MAP4K5: variants seen among roughly 807,000 people sequenced by gnomAD.
MAP4K5 encodes MAPK/ERK kinase kinase kinase 5.
In MAP4K5, 82 loss-of-function variants were observed where a neutral mutation model predicts 135.6. The observed-to-expected ratio is 0.60, with a 90% CI of 0.51 to 0.73. MAP4K5 has a LOEUF of 0.73. Ranked by LOEUF, MAP4K5 falls within the 30% of genes least tolerant of loss-of-function variation. The pLI is 0.00. For missense variants in MAP4K5, 907 were observed against 1,010.9 expected, an observed-to-expected ratio of 0.90 and a Z score of 1.39; for synonymous variants, 347 against 335.0, an observed-to-expected ratio of 1.04 and a Z score of -0.39.
chr14:50,555,306 G>A (rs1005696880), intron 1 of MAP4K5, among the ~76,000 whole-genome samples: 1 of 152,132 alleles, frequency 6.6e-6, no homozygotes, highest in Non-Finnish European at 1.5e-5. Flanking sequence ...TTTTGAGACG[G>A]AGTCTCGCTC....
intron 20 of MAP4K5, 150 bp downstream of exon 20, chr14:50,443,579 G>C (rs2139712216): frequency 1.5e-6 from 1 of 650,666 alleles, no homozygotes; most frequent in Non-Finnish European, 2.5e-6. Flanking sequence ...ACTCAAATTA[G>C]AATACATGAT....
intron 2 of MAP4K5, among the ~76,000 whole-genome samples, chr14:50,541,850 A>G (rs2038564941): frequency 6.6e-6 from 1 of 151,702 alleles, no homozygotes; most frequent in Admixed American, 6.6e-5. Context: ...CTCTAAAAAT[A>G]CAAAAAATTA....
chr14:50,518,663 A>G (rs2038084559), intron 2 of MAP4K5, among the ~76,000 whole-genome samples: 1 of 152,080 alleles, frequency 6.6e-6, no homozygotes, highest in South Asian at 2.1e-4. Context: ...AATGACCCAA[A>G]ATCTGTTCAC....
At chr14:50,489,301 T>A (rs1343256320) in intron 3 of MAP4K5, among the ~76,000 whole-genome samples, 1 of 152,148 alleles carries the variant, frequency 6.6e-6, no homozygotes, top group African/African-American at 2.4e-5. Flanking sequence ...TGAGCTATAA[T>A]CACGCCACTG....
chr14:50,456,365 G>A (rs947970819), intron 14 of MAP4K5, 151 bp downstream of exon 14: 3 of 616,652 alleles, frequency 4.9e-6, no homozygotes, highest in African/African-American at 3.8e-5. Flanking sequence ...GAATTCCATC[G>A]AAACCAGAAA....
chr14:50,490,494 T>C (rs2139954585), intron 3 of MAP4K5, among the ~76,000 whole-genome samples: 1 of 152,288 alleles, frequency 6.6e-6, no homozygotes, highest in South Asian at 2.1e-4. Flanking sequence ...ACTAGAGCAA[T>C]GATCACAGCC....
At chr14:50,542,988 G>A (rs2038585544) in intron 1 of MAP4K5, among the ~76,000 whole-genome samples, 1 of 152,218 alleles carries the variant, frequency 6.6e-6, no homozygotes, top group Non-Finnish European at 1.5e-5. Context: ...GTCAGTGGGA[G>A]AAGTATTATG....
intron 3 of MAP4K5, among the ~76,000 whole-genome samples, chr14:50,491,597 T>G (rs1343979566): frequency 6.6e-6 from 1 of 152,084 alleles, no homozygotes; most frequent in Non-Finnish European, 1.5e-5. Flanking sequence ...GCACGCAGCT[T>G]ATTATCTCTT....
rs996408454 is a variant in MAP4K5, at chr14:50,504,723, T to C, written c.166+77A>G. On this transcript the variant is annotated intron_variant, in intron 3 of 32. Coordinates refer to ENST00000682126, the MANE Select transcript of MAP4K5 (RefSeq NM_006575.6). Reference sequence around the variant, plus strand: ...CTGACCTGATAGAACATATAAAGACTTCTTCTGGGAAGAAGGGAAACAAGG... The same window carrying C: ...CTGACCTGATAGAACATATAAAGACCTCTTCTGGGAAGAAGGGAAACAAGG... 5 of 1,070,842 alleles carry C rather than the reference T, an allele frequency of 4.7e-6. No individual in the cohort carries two copies. The Middle Eastern group carries it at 6.0e-4, about 128-fold the overall frequency. 66.3% of individuals were successfully genotyped at this position (1,070,842 alleles called of 1,614,324 possible). A position where few individuals can be genotyped will look rare whatever the true frequency, so the allele number is the denominator to read the frequency against.
intron 28 of MAP4K5, among the ~76,000 whole-genome samples, chr14:50,433,986 T>C (rs904000455): frequency 6.6e-6 from 1 of 152,226 alleles, no homozygotes; most frequent in South Asian, 2.1e-4. Flanking sequence ...GAAGCTTCTA[T>C]TCAGGTCTGA....
chr14:50,489,633 C>T (rs1412589420), intron 3 of MAP4K5, among the ~76,000 whole-genome samples: 2 of 152,142 alleles, frequency 1.3e-5, no homozygotes, highest in Non-Finnish European at 2.9e-5. Context: ...CATAGCCCTC[C>T]TAACAAAATC....
chr14:50,421,203 GT>G (rs948548277), intron 32 of MAP4K5, among the ~76,000 whole-genome samples: 2 of 151,254 alleles, frequency 1.3e-5, no homozygotes, highest in Non-Finnish European at 3.0e-5. Flanking sequence ...GACATGCTTA[GT>G]TTTTTTTTCC....
chr14:50,438,175 T>C, intron 23 of MAP4K5, 81 bp from the exon 24 acceptor site: 1 of 642,172 alleles, frequency 1.6e-6, no homozygotes. Flanking sequence ...TTAATACTAT[T>C]TTGAAAGACA....
At chr14:50,487,202 G>A (rs1452828833) in intron 3 of MAP4K5, among the ~76,000 whole-genome samples, 8 of 152,164 alleles carry the variant, frequency 5.3e-5, no homozygotes, top group African/African-American at 1.9e-4. Context: ...CAGCTACTCG[G>A]GAGGCTAAGG....
At chr14:50,490,563 T>C (rs2139954942) in intron 3 of MAP4K5, among the ~76,000 whole-genome samples, 1 of 152,306 alleles carries the variant, frequency 6.6e-6, no homozygotes, top group South Asian at 2.1e-4. Context: ...AGTGTACAAG[T>C]ACAAGATCCT....
At chr14:50,490,689 C>T (rs930627742) in intron 3 of MAP4K5, among the ~76,000 whole-genome samples, 2 of 152,170 alleles carry the variant, frequency 1.3e-5, no homozygotes, top group African/African-American at 4.8e-5. Context: ...AAACAAGTTA[C>T]ACTACAAAGA....
intron 8 of MAP4K5, 44 bp downstream of exon 8, chr14:50,476,084 C>A: frequency 9.6e-7 from 1 of 1,038,112 alleles, no homozygotes; most frequent in South Asian, 1.8e-5. Flanking sequence ...ATTAAAATGT[C>A]ATTAAATTTT....
chr14:50,520,199 T>C (rs1341473642), intron 2 of MAP4K5, among the ~76,000 whole-genome samples: 2 of 152,036 alleles, frequency 1.3e-5, no homozygotes, highest in East Asian at 1.9e-4. Flanking sequence ...CCTGTCTCTA[T>C]TAAAAATACA....
intron 27 of MAP4K5, 118 bp from the exon 28 acceptor site, chr14:50,434,689 G>T: frequency 1.1e-6 from 1 of 915,936 alleles, no homozygotes; most frequent in Non-Finnish European, 1.6e-6. Flanking sequence ...TTCTAAAAAG[G>T]ATTACCTCTA....
Sources: allele counts gnomAD v4.1 joint callset (sites outside exome capture counted in the v4.1 genomes callset), GRCh38; gene constraint gnomAD v4.1.1; transcripts MANE v1.5; gene names NCBI Gene and HGNC (gene_info 2026-07-23, HGNC 2026-07-21).